CSAD: variants seen among roughly 807,000 people sequenced by gnomAD.
CSAD encodes the protein P-selectin cytoplasmic tail-associated protein.
A neutral mutation model predicts 61.5 loss-of-function variants in CSAD; 47 were observed. The ratio of observed to expected loss-of-function variants is 0.76; its 90% CI spans 0.60 to 0.97. The LOEUF (loss-of-function observed/expected upper bound fraction) is 0.97, where lower values mean the gene tolerates loss of function less well. Ranked by LOEUF, CSAD falls within the 50% of genes least tolerant of loss-of-function variation. The pLI is 0.00. For synonymous variants in CSAD, 245 were observed against 252.7 expected, an observed-to-expected ratio of 0.97 and a Z score of 0.29; for missense variants, 611 against 643.6, an observed-to-expected ratio of 0.95 and a Z score of 0.55.
At position 53,169,986 on chromosome 12, in the gene CSAD, T is replaced by TGAA. The variant is rs1365025352; in HGVS notation, c.702+83_702+85dup. 16 of 1,177,436 alleles carry TGAA rather than the reference T, an allele frequency of 1.4e-5. No individual in the cohort carries two copies. In the Admixed American group the frequency reaches 2.6e-4, roughly 19 times the overall value. 72.9% of individuals were successfully genotyped at this position (1,177,436 alleles called of 1,614,324 possible). A position where few individuals can be genotyped will look rare whatever the true frequency, so the allele number is the denominator to read the frequency against. Reference sequence around the variant, plus strand: ...GAGATGGGCATGGAGACGAGAGGGATGAAGGATGCCTTGAGAAAGGAGAGC... The same window carrying TGAA: ...GAGATGGGCATGGAGACGAGAGGGATGAAGAAGGATGCCTTGAGAAAGGAGAGC... On this transcript the variant is annotated intron_variant, in intron 10 of 16. Coordinates refer to ENST00000444623, the MANE Select transcript of CSAD (RefSeq NM_001244705.2).
intron 13 of CSAD, 100 bp from the exon 14 acceptor site, chr12:53,160,419 T>C: frequency 8.1e-7 from 1 of 1,231,754 alleles, no homozygotes; most frequent in Non-Finnish European, 1.2e-6. Flanking sequence ...CCCTCTTCTT[T>C]CCCTGGAGCC....
intron 8 of CSAD, chr12:53,171,007 C>A: frequency 2.0e-6 from 1 of 499,488 alleles, no homozygotes; most frequent in Non-Finnish European, 3.8e-6. Context: ...AGGCGTGAGT[C>A]ACCGTGCCCG....
Position 53,180,858 on chromosome 12 carries a change from C to T in CSAD, c.-217G>A. 4.8e-6 allele frequency: 6 copies of T among 1,257,448 alleles called. No homozygotes were observed. Among genetic ancestry groups the T allele is most frequent in the Non-Finnish European group, 6.2e-6 (6 of 975,498 alleles). 77.9% of individuals were successfully genotyped at this position (1,257,448 alleles called of 1,614,324 possible). The stretch of plus-strand genomic sequence containing the variant: ...GGCAGGTAGGAGCAAGCCCCAAAGA[C>T]CGCAGCGTCGTCCGTACAGACGGCA... On this transcript the variant is annotated 5_prime_UTR_variant, in exon 1 of 17. Transcript: ENST00000444623.
At chr12:53,179,868 G>A (rs1216998259) in intron 1 of CSAD, 3 of 1,610,816 alleles carry the variant, frequency 1.9e-6, no homozygotes, top group East Asian at 2.2e-5. Flanking sequence ...TAATGGCTAA[G>A]GCTAGGCAGA....
chr12:53,174,518 G>A (rs1479118024), intron 2 of CSAD, among the ~76,000 whole-genome samples: 1 of 152,114 alleles, frequency 6.6e-6, no homozygotes, highest in Admixed American at 6.6e-5. Flanking sequence ...AATTGTCCGC[G>A]TGTGGTGGCT....
chr12:53,160,363 G>A lies in CSAD; in HGVS notation c.967-44C>T, dbSNP rs372053881. The stretch of plus-strand genomic sequence containing the variant: ...ATTGTCAGACCCTACCCTCTCCACC[G>A]AGGCTTTCCTCCAGGGCTGCACTGT... On this transcript the variant is annotated intron_variant, in intron 13 of 16. Coordinates refer to ENST00000444623, the MANE Select transcript of CSAD (RefSeq NM_001244705.2). 1.0e-5 allele frequency: 16 copies of A among 1,587,560 alleles called. No individual in the cohort carries two copies. In the African/African-American group the frequency reaches 1.1e-4, roughly 11 times the overall value.
chr12:53,172,309 C>G (rs932766438), intron 6 of CSAD, 37 bp downstream of exon 6: 2 of 1,583,246 alleles, frequency 1.3e-6, no homozygotes, highest in East Asian at 4.5e-5. Flanking sequence ...AAACCTAAAT[C>G]CTTTGTGGGA....
chr12:53,159,691 AAC>A lies in CSAD; in HGVS notation c.1238_1239del (p.Cys413PhefsTer65). 6.2e-7 allele frequency: 1 copy of A among 1,610,972 alleles called. No homozygotes were observed. On this transcript the variant is annotated frameshift_variant, in exon 16 of 17. Coordinates refer to ENST00000444623, the MANE Select transcript of CSAD (RefSeq NM_001244705.2). LOFTEE classifies it high-confidence loss of function. ...CGCAGGCTGGGGGGTACGAACCAGA[AAC>A]ACACATTGACAAACTCAGGCTGAGA... ...LVMEPEFVNV[C>X]FWFVPPSLRG...
Position 53,180,768 on chromosome 12 carries a change from G to A in CSAD, c.-127C>T. 7.9e-7 allele frequency: 1 copy of A among 1,273,152 alleles called. No individual in the cohort carries two copies. Among genetic ancestry groups the A allele is most frequent in the Non-Finnish European group, 1.0e-6 (1 of 982,028 alleles). 78.9% of individuals were successfully genotyped at this position (1,273,152 alleles called of 1,614,324 possible). ...TGGGGGCAGCCGCGGCGGTGGGGTT[G>A]GCAGGGTGTGCTGGGGCCTGGAGGA... On this transcript the variant is annotated 5_prime_UTR_variant, in exon 1 of 17. Transcript: ENST00000444623.
chr12:53,167,791 G>A (rs1592328760), intron 10 of CSAD, among the ~76,000 whole-genome samples: 1 of 152,168 alleles, frequency 6.6e-6, no homozygotes, highest in South Asian at 2.1e-4. Context: ...GTAAACTGGT[G>A]CAGCCACTCT....
chr12:53,158,450 G>T lies in CSAD; in HGVS notation c.*61C>A. 3 of 1,544,128 alleles carry T rather than the reference G, an allele frequency of 1.9e-6. No homozygotes were observed. Among genetic ancestry groups the T allele is most frequent in the Non-Finnish European group, 2.7e-6 (3 of 1,128,824 alleles). ...TGCACCCGGCCTCAAAGGCTGGGAG[G>T]GAATGCAGTGACTCTGCGGGTGAGG... is the stretch of plus-strand genomic sequence containing the variant. On this transcript the variant is annotated 3_prime_UTR_variant, in exon 17 of 17. Transcript: ENST00000444623.
chr12:53,170,335 G>T (rs1940413303), intron 9 of CSAD, 88 bp downstream of exon 9: 5 of 1,239,450 alleles, frequency 4.0e-6, no homozygotes, highest in Non-Finnish European at 5.9e-6. Flanking sequence ...TCCACCAGCG[G>T]TAAGGGTCTG....
At chr12:53,170,007 A>G in intron 10 of CSAD, 65 bp downstream of exon 10, 1 of 1,390,396 alleles carries the variant, frequency 7.2e-7, no homozygotes, top group East Asian at 2.3e-5. Context: ...TTGAGAAAGG[A>G]GAGCCCAAAT....
At position 53,171,818 on chromosome 12, in the gene CSAD, A is replaced by G. The variant is rs1031037726; in HGVS notation, c.451+64T>C. On this transcript the variant is annotated intron_variant, in intron 7 of 16. Transcript: ENST00000444623. ...CCTCCCTGCCAGACACTAGAGCAAG[A>G]GAACGGTGGGGGAGGAGGAACTCAT... The G allele has an allele frequency of 4.1e-5, 44 of 1,082,544 alleles. No homozygotes were observed. The East Asian group carries it at 1.0e-3, about 25-fold the overall frequency. The allele number at this position is 1,082,544 out of a possible 1,614,324, so 67.1% of individuals were successfully genotyped here. A position where few individuals can be genotyped will look rare whatever the true frequency, so the allele number is the denominator to read the frequency against.
At chr12:53,181,157 G>C, upstream of CSAD, 1 of 984,804 alleles carries the variant, frequency 1.0e-6, no homozygotes, top group Non-Finnish European at 1.2e-6. Flanking sequence ...GCTGGCCGGA[G>C]CGAGGCGGGC....
At chr12:53,180,701 A>C in intron 1 of CSAD, 31 bp downstream of exon 1, 6 of 1,271,456 alleles carry the variant, frequency 4.7e-6, no homozygotes, top group Non-Finnish European at 6.1e-6. Context: ...CTTCCGGGGA[A>C]ACGGGCCGGG....
In CSAD at chr12:53,173,330, G is replaced by A. The variant is rs753740661; in HGVS notation, c.126+15C>T. On this transcript the variant is annotated intron_variant, in intron 4 of 16. Coordinates refer to ENST00000444623, the MANE Select transcript of CSAD (RefSeq NM_001244705.2). ...AAGAAAGCTTGATGGGAAGGAGGAG[G>A]AAGAAAGGACTCACCTTCTGGGAGA... 1.0e-5 allele frequency: 16 copies of A among 1,593,656 alleles called. No individual in the cohort carries two copies. Among genetic ancestry groups the A allele is most frequent in the Admixed American group, 1.7e-5 (1 of 59,758 alleles).
At chr12:53,176,110 G>T (rs139027814) in intron 2 of CSAD, among the ~76,000 whole-genome samples, 12 of 152,102 alleles carry the variant, frequency 7.9e-5, no homozygotes, top group Admixed American at 2.0e-4. Context: ...TACAAGAAGG[G>T]GGGGTGAGGG....
At chr12:53,164,688 C>CT (rs1396656086) in intron 10 of CSAD, 2 of 152,158 alleles carry the variant, frequency 1.3e-5, no homozygotes, top group Non-Finnish European at 1.5e-5. Context: ...AAAATATACC[C>CT]TTATAACAAA....
Sources: allele counts gnomAD v4.1 joint callset (sites outside exome capture counted in the v4.1 genomes callset), GRCh38; gene constraint gnomAD v4.1.1; transcripts MANE v1.5; gene names NCBI Gene and HGNC (gene_info 2026-07-23, HGNC 2026-07-21).